The following ERICH3 variants were observed in gnomAD, a reference collection of about 807,000 sequenced individuals.
ERICH3 encodes glutamate-rich protein 3.
Under a neutral mutation model 131.1 loss-of-function variants are expected in ERICH3, and 126 were observed. The ratio of observed to expected loss-of-function variants is 0.96; its 90% CI spans 0.83 to 1.11. The LOEUF is 1.11. Among genes scored for constraint, ERICH3 ranks in the 50% most tolerant of loss-of-function variants. ERICH3 has a pLI of 0.00. For synonymous variants in ERICH3, 695 were observed against 644.6 expected, an observed-to-expected ratio of 1.08 and a Z score of -1.18; for missense variants, 2,050 against 1,810.7, an observed-to-expected ratio of 1.13 and a Z score of -2.40.
chr1:74,662,782 T>C (rs904987014), intron 1 of ERICH3, among the ~76,000 whole-genome samples: 23 of 152,160 alleles, frequency 1.5e-4, no homozygotes, highest in South Asian at 4.1e-4. Flanking sequence ...CTCTCACTTA[T>C]TTGAAGTCAC....
At chr1:74,625,002 T>C (rs1649365381) in intron 7 of ERICH3, 1 of 152,178 alleles carries the variant, frequency 6.6e-6, no homozygotes, top group Non-Finnish European at 1.5e-5. Flanking sequence ...GTCACTAGGA[T>C]TACAGATGTG....
rs866447707 is a variant in ERICH3, at chr1:74,612,733, C to T, written c.1077G>A (p.Val359=). ...ATTCACAACAGGAGCTTAACCTGTTCACCTGCATCCCATTCAGGAAAAAGG... is the reference window on the plus strand; with the variant it reads ...ATTCACAACAGGAGCTTAACCTGTTTACCTGCATCCCATTCAGGAAAAAGG... ...SLTFFLNGMQ[V]NRLSSCCEYK... is the part of the protein sequence containing the mutation. The change falls in exon 9 of 15, where the codon GTG becomes GTA. Residue 359 remains valine, a synonymous_variant. Coordinates refer to ENST00000326665, the MANE Select transcript of ERICH3 (RefSeq NM_001002912.5). 6.2e-7 allele frequency: 1 copy of T among 1,604,516 alleles called. No homozygotes were observed. Among genetic ancestry groups the T allele is most frequent in the Non-Finnish European group, 8.5e-7 (1 of 1,172,602 alleles).
chr1:74,572,062 T>C lies in ERICH3; in HGVS notation c.3648A>G (p.Leu1216=), dbSNP rs1646959980. 2 of 1,614,234 alleles carry C rather than the reference T, an allele frequency of 1.2e-6. No individual in the cohort carries two copies. Among genetic ancestry groups the C allele is most frequent in the Non-Finnish European group, 1.7e-6 (2 of 1,180,042 alleles). The change falls in exon 14 of 15, where the codon TTA becomes TTG. Residue 1216 remains leucine, a synonymous_variant. Transcript: ENST00000326665. ...CTGCTGGCTCAGCTTCAGGAGCTGCTAAGGCCCCCTCTCCATCTTGGCGGT... is the reference window on the plus strand; with the variant it reads ...CTGCTGGCTCAGCTTCAGGAGCTGCCAAGGCCCCCTCTCCATCTTGGCGGT... ...EGHRQDGEGA[L]AAPEAEPAGK...
chr1:74,643,143 A>G (rs1245207721), intron 3 of ERICH3, 45 bp from the exon 4 acceptor site: 1 of 1,438,768 alleles, frequency 7.0e-7, no homozygotes, highest in Non-Finnish European at 9.7e-7. Context: ...TATCAGTTAT[A>G]GCAAAGACCA....
At chr1:74,666,288 G>T (rs527671647) in intron 1 of ERICH3, among the ~76,000 whole-genome samples, 1 of 152,068 alleles carries the variant, frequency 6.6e-6, no homozygotes, top group Non-Finnish European at 1.5e-5. Context: ...ACCCATAAGA[G>T]AATAAGAAAT....
intron 5 of ERICH3, among the ~76,000 whole-genome samples, chr1:74,640,774 C>T (rs1646430911): frequency 6.6e-6 from 1 of 152,024 alleles, no homozygotes; most frequent in African/African-American, 2.4e-5. Context: ...AGAGTATGTG[C>T]ACAGACTTTT....
chr1:74,646,882 A>T, intron 2 of ERICH3, 90 bp from the exon 3 acceptor site: 1 of 467,438 alleles, frequency 2.1e-6, no homozygotes, highest in Non-Finnish European at 3.7e-6. Context: ...GGTGGAGAAG[A>T]CAGACAGACA....
In ERICH3 at chr1:74,571,335, T is replaced by C. The variant is rs773787515; in HGVS notation, c.4375A>G (p.Thr1459Ala). 6.2e-7 allele frequency: 1 copy of C among 1,614,046 alleles called. No individual in the cohort carries two copies. Among genetic ancestry groups the C allele is most frequent in the Admixed American group, 1.7e-5 (1 of 60,006 alleles). ...TCCTGCCTCCCATCGCCACTCCCAG[T>C]GGCTGCCTCCTGGCCCTCTGACCCT... ...EEGSEGQEAA[T>A]GSGDGRQETG... is the part of the protein sequence containing the mutation. The change falls in exon 14 of 15, where the codon ACT becomes GCT. Residue 1459 changes from threonine (T) to alanine (A), a missense_variant. Thr to Ala is a moderately conservative substitution (Grantham distance 58). Transcript: ENST00000326665.
intron 9 of ERICH3, among the ~76,000 whole-genome samples, chr1:74,609,980 G>A (rs542683752): frequency 6.6e-6 from 1 of 152,092 alleles, no homozygotes; most frequent in Non-Finnish European, 1.5e-5. Flanking sequence ...CACAGAAAGT[G>A]CTCAGGGCTA....
chr1:74,608,390 T>C (rs913600487), intron 9 of ERICH3, among the ~76,000 whole-genome samples: 17 of 151,954 alleles, frequency 1.1e-4, no homozygotes, highest in African/African-American at 4.1e-4. Context: ...ACTGAATTTA[T>C]AGTGGGCAGG....
chr1:74,610,572 C>A lies in ERICH3; in HGVS notation c.1187+2051G>T, dbSNP rs191285964. Among the ~76,000 whole-genome samples, 3 of 151,446 alleles carry A rather than the reference C, an allele frequency of 2.0e-5. No homozygotes were observed. The East Asian group carries it at 5.8e-4, about 29-fold the overall frequency. On this transcript the variant is annotated intron_variant, in intron 9 of 14. Transcript: ENST00000326665. ...TTTCTTATTCTCTAAAGTATTCAAT[C>A]GTTTGTATTAGCATATAAACATATT...
intron 11 of ERICH3, among the ~76,000 whole-genome samples, chr1:74,593,605 G>A (rs938859423): frequency 6.6e-6 from 1 of 151,908 alleles, no homozygotes; most frequent in Non-Finnish European, 1.5e-5. Context: ...TTTCTCTCTT[G>A]TAATTTCTTT....
At chr1:74,617,801 T>C (rs1043581504) in intron 8 of ERICH3, among the ~76,000 whole-genome samples, 1 of 152,184 alleles carries the variant, frequency 6.6e-6, no homozygotes, top group Non-Finnish European at 1.5e-5. Context: ...TAAAAAGAAA[T>C]TGAATTATAT....
chr1:74,669,536 C>T (rs1033669233), intron 1 of ERICH3, among the ~76,000 whole-genome samples: 1 of 152,078 alleles, frequency 6.6e-6, no homozygotes, highest in South Asian at 2.1e-4. Context: ...ACATAAATAG[C>T]AACATGAGTG....
At chr1:74,650,788 G>A (rs1413386920) in intron 1 of ERICH3, among the ~76,000 whole-genome samples, 1 of 151,704 alleles carries the variant, frequency 6.6e-6, no homozygotes, top group African/African-American at 2.4e-5. Context: ...GCTGACCACA[G>A]GTAATTGAAA....
At chr1:74,625,190 T>C (rs1649371914) in intron 7 of ERICH3, 1 of 152,104 alleles carries the variant, frequency 6.6e-6, no homozygotes, top group Non-Finnish European at 1.5e-5. Flanking sequence ...TCTCTTAATC[T>C]GTAAGTTTCA....
At chr1:74,579,527 G>A (rs1305882294) in intron 12 of ERICH3, 1 of 985,292 alleles carries the variant, frequency 1.0e-6, no homozygotes, top group Non-Finnish European at 1.2e-6. Context: ...GTATAGTTAG[G>A]TGTTGCCTAT....
In ERICH3 at chr1:74,571,400, A is replaced by G. The variant is rs1425993240; in HGVS notation, c.4310T>C (p.Leu1437Pro). ...TEAGVGTPGA[L>P]ERKTSGLGQE... ...TCCTAGCCCTGAGGTCTTCCGCTCC[A>G]GGGCTCCTGGAGTGCCCACCCCAGC... Residue 1437 changes from leucine (L) to proline (P), a missense_variant, in exon 14 of 15, where the codon CTG becomes CCG. Leu to Pro is a moderately conservative substitution (Grantham distance 98, BLOSUM62 -3). Transcript: ENST00000326665. 30 of 1,613,726 alleles carry G rather than the reference A, an allele frequency of 1.9e-5. No homozygotes were observed. The highest frequency in any genetic ancestry group is 2.3e-5 in the Non-Finnish European group (27 of 1,179,966).
chr1:74,612,734 A>G lies in ERICH3; in HGVS notation c.1076T>C (p.Val359Ala), dbSNP rs777950601. 3 of 1,604,520 alleles carry G rather than the reference A, an allele frequency of 1.9e-6. No homozygotes were observed. The South Asian group carries it at 3.3e-5, about 18-fold the overall frequency. Residue 359 changes from valine to alanine, a missense_variant, in exon 9 of 15, where the codon GTG becomes GCG. Transcript: ENST00000326665. ...TTCACAACAGGAGCTTAACCTGTTC[A>G]CCTGCATCCCATTCAGGAAAAAGGT... ...SLTFFLNGMQ[V>A]NRLSSCCEYK...
Sources: allele counts gnomAD v4.1 joint callset (sites outside exome capture counted in the v4.1 genomes callset), GRCh38; gene constraint gnomAD v4.1.1; transcripts MANE v1.5; gene names NCBI Gene and HGNC (gene_info 2026-07-23, HGNC 2026-07-21).